The following THRB variants were observed in gnomAD, a reference collection of about 807,000 sequenced individuals.
THRB encodes nuclear receptor subfamily 1 group A member 2.
A neutral mutation model predicts 47.8 loss-of-function variants in THRB; 12 were observed. The ratio of observed to expected loss-of-function variants is 0.25; its 90% confidence interval spans 0.16 to 0.41. The LOEUF (loss-of-function observed/expected upper bound fraction) is 0.41, where lower values mean the gene tolerates loss of function less well. Ranked by LOEUF, THRB falls within the 10% of genes least tolerant of loss-of-function variation. The pLI is 1.00. For synonymous variants in THRB, 218 were observed against 212.2 expected (o/e 1.03, Z -0.24); for missense variants, 348 against 589.2 (o/e 0.59, Z 4.24).
At chr3:24,326,756 CTTTTTTTTTTTT>C (rs1174687260) in intron 2 of THRB, among the ~76,000 whole-genome samples, 5 of 50,004 alleles carry the variant, frequency 1.0e-4, no homozygotes, top group African/African-American at 4.1e-4. Context: ...CCAGTCTTGT[CTTTTTTTTTTTT>C]TTTTTTTTTT....
intron 3 of THRB, among the ~76,000 whole-genome samples, chr3:24,285,363 A>T (rs1432866562): frequency 6.7e-6 from 1 of 148,206 alleles, no homozygotes; most frequent in African/African-American, 2.5e-5. Context: ...ATTCTCACTC[A>T]TAGGTGGGAA....
At chr3:24,165,104 T>C in intron 5 of THRB, 1 of 765,168 alleles carries the variant, frequency 1.3e-6, no homozygotes, top group Non-Finnish European at 2.4e-6. Context: ...AGGTTGGCTG[T>C]ATTGATTCAG....
At chr3:24,356,236 G>A (rs1029918550) in intron 1 of THRB, among the ~76,000 whole-genome samples, 2 of 152,024 alleles carry the variant, frequency 1.3e-5, no homozygotes, top group Admixed American at 1.3e-4. Flanking sequence ...TGCCCTTCTG[G>A]TCCACTGGTG....
intron 5 of THRB, among the ~76,000 whole-genome samples, chr3:24,176,839 T>C (rs1236724802): frequency 6.6e-6 from 1 of 152,244 alleles, no homozygotes; most frequent in South Asian, 2.1e-4. Context: ...TTTGGGATGA[T>C]GGAAATGTTC....
intron 4 of THRB, among the ~76,000 whole-genome samples, chr3:24,204,202 C>T (rs2149764492): frequency 6.6e-6 from 1 of 152,366 alleles, no homozygotes; most frequent in East Asian, 1.9e-4. Flanking sequence ...GACAGACTGC[C>T]TCCTCAAGTG....
intron 1 of THRB, among the ~76,000 whole-genome samples, chr3:24,340,051 A>C (rs1258413747): frequency 2.6e-5 from 4 of 152,242 alleles, no homozygotes; most frequent in African/African-American, 9.6e-5. Context: ...ACCTGAGGTG[A>C]GGTTGGCACT....
intron 4 of THRB, among the ~76,000 whole-genome samples, chr3:24,205,063 AG>A (rs1575849214): frequency 6.6e-6 from 1 of 152,338 alleles, no homozygotes; most frequent in Admixed American, 6.5e-5. Flanking sequence ...AATGGAACCA[AG>A]CTGGAAAACA....
intron 4 of THRB, among the ~76,000 whole-genome samples, chr3:24,215,192 A>T (rs2046433027): frequency 6.6e-6 from 1 of 152,052 alleles, no homozygotes; most frequent in Non-Finnish European, 1.5e-5. Context: ...CTGTGCCTTT[A>T]AAAAAAATCT....
At position 24,468,526 on chromosome 3, in the gene THRB, T is replaced by C. The variant is rs945255410; in HGVS notation, c.-261+26126A>G. On this transcript the variant is annotated intron_variant, in intron 1 of 10. Transcript: ENST00000646209. ...TTTTCACTTGAACACTTAGAGGCTA[T>C]TGTAGGGTTACTAACTGGCCTAATT... is the stretch of plus-strand genomic sequence containing the variant. Among the ~76,000 whole-genome samples the C allele has an allele frequency of 3.3e-5, 5 of 152,188 alleles. No individual in the cohort carries two copies. In the South Asian group the frequency reaches 1.0e-3, roughly 32 times the overall value.
chr3:24,250,427 T>C (rs1042857249), intron 3 of THRB, among the ~76,000 whole-genome samples: 7 of 152,186 alleles, frequency 4.6e-5, no homozygotes, highest in Admixed American at 3.9e-4. Context: ...CCGGGCATGG[T>C]AACTCATGCC....
intron 1 of THRB, among the ~76,000 whole-genome samples, chr3:24,368,323 A>G (rs1300937108): frequency 6.6e-6 from 1 of 152,144 alleles, no homozygotes; most frequent in East Asian, 1.9e-4. Flanking sequence ...CAAGATGACC[A>G]TGGCAGGATG....
intron 4 of THRB, 97 bp from the exon 5 acceptor site, chr3:24,190,431 T>C: frequency 6.7e-7 from 1 of 1,485,254 alleles, no homozygotes; most frequent in South Asian, 1.1e-5. Context: ...CTCAATTCTT[T>C]TGGGCTGACA....
Position 24,310,319 on chromosome 3 carries a change from A to G in THRB, c.-188-12948T>C, listed in dbSNP as rs926151469. 8.7e-4 allele frequency among the ~76,000 whole-genome samples: 132 copies of G among 152,254 alleles called. 2 individuals carry two copies. The highest frequency in any genetic ancestry group is 2.2e-4 in the Non-Finnish European group (15 of 68,054). On this transcript the variant is annotated intron_variant, in intron 2 of 10. Coordinates refer to ENST00000646209, the MANE Select transcript of THRB (RefSeq NM_001354712.2). ...CCAATAACCTTTGCTTTTTAAAAAT[A>G]AAATGATGTACTTTGATTTCATTTC...
intron 1 of THRB, among the ~76,000 whole-genome samples, chr3:24,353,653 T>C (rs1560002648): frequency 6.6e-6 from 1 of 152,158 alleles, no homozygotes; most frequent in Non-Finnish European, 1.5e-5. Context: ...TGTTTTATCA[T>C]TTATTTCTCT....
chr3:24,381,186 T>C (rs1304391253), intron 1 of THRB, among the ~76,000 whole-genome samples: 1 of 148,596 alleles, frequency 6.7e-6, no homozygotes, highest in African/African-American at 2.5e-5. Context: ...TTAGACAAAA[T>C]ATACCAACAA....
chr3:24,450,088 C>T (rs1248626483), intron 1 of THRB, among the ~76,000 whole-genome samples: 1 of 152,060 alleles, frequency 6.6e-6, no homozygotes, highest in African/African-American at 2.4e-5. Context: ...AAACTAGACA[C>T]TCTTAAAGAA....
At chr3:24,274,719 TTCACTACCTCAATGTGGCATTG>T (rs1448516124) in intron 3 of THRB, among the ~76,000 whole-genome samples, 1 of 152,206 alleles carries the variant, frequency 6.6e-6, no homozygotes, top group Non-Finnish European at 1.5e-5. Flanking sequence ...TCTTATTTGG[TTCACTACCTCAATGTGGCATTG>T]TTGCTTCCCC....
intron 2 of THRB, among the ~76,000 whole-genome samples, chr3:24,335,218 C>T (rs149166877): frequency 1.0e-3 from 152 of 152,278 alleles, no homozygotes; most frequent in Non-Finnish European, 1.6e-3. Context: ...CTGTGGTCAG[C>T]GGAATCAAAT....
intron 1 of THRB, among the ~76,000 whole-genome samples, chr3:24,490,444 C>G (rs568407760): frequency 2.0e-5 from 3 of 152,322 alleles, no homozygotes; most frequent in Non-Finnish European, 2.9e-5. Flanking sequence ...ACTGCCTTTT[C>G]TACCCTTCCA....
Sources: allele counts gnomAD v4.1 joint callset (sites outside exome capture counted in the v4.1 genomes callset), GRCh38; gene constraint gnomAD v4.1.1; transcripts MANE v1.5; gene names NCBI Gene and HGNC (gene_info 2026-07-23, HGNC 2026-07-21).